Variants in DPP8 observed in about 807,000 individuals in gnomAD.
The protein encoded by DPP8 is dipeptidyl peptidase 8, also known as DPP VIII.
In DPP8, 31 loss-of-function variants were observed where a neutral mutation model predicts 107.5. That is an observed-to-expected ratio of 0.29 (90% CI 0.22 to 0.39). The LOEUF (loss-of-function observed/expected upper bound fraction) is 0.39. Ranked by LOEUF, DPP8 falls within the 10% of genes least tolerant of loss-of-function variation. The pLI is 1.00. For synonymous variants in DPP8, 381 were observed against 356.6 expected (o/e 1.07, Z -0.77); for missense variants, 842 against 1,076.1 (o/e 0.78, Z 3.04).
intron 9 of DPP8, among the ~76,000 whole-genome samples, chr15:65,480,925 G>C (rs1192757591): frequency 6.6e-6 from 1 of 152,024 alleles, no homozygotes; most frequent in Non-Finnish European, 1.5e-5. Context: ...GTGAGACCTT[G>C]TCTCTACAAA....
At position 65,487,734 on chromosome 15, in the gene DPP8, A is replaced by G. The variant is rs1250447563; in HGVS notation, c.911T>C (p.Met304Thr). ...EVEIIHVTSP[M>T]LETRRADSFR... Reference sequence around the variant, plus strand: ...TGAATCTGCCCTCCTTGTTTCCAACATAGGGGATGTAACATGAATAATTTC... The same window carrying G: ...TGAATCTGCCCTCCTTGTTTCCAACGTAGGGGATGTAACATGAATAATTTC... Residue 304 changes from methionine to threonine, a missense_variant, in exon 7 of 20, where the codon ATG becomes ACG. Physicochemically the swap from Met to Thr is moderately conservative, Grantham distance 81 (BLOSUM62 -1). Coordinates refer to ENST00000300141, the MANE Select transcript of DPP8 (RefSeq NM_130434.5). The G allele has an allele frequency of 6.2e-7, 1 of 1,609,338 alleles. No individual in the cohort carries two copies.
chr15:65,467,317 G>T, intron 12 of DPP8, 94 bp from the exon 13 acceptor site: 3 of 1,197,288 alleles, frequency 2.5e-6, no homozygotes, highest in Non-Finnish European at 3.5e-6. Flanking sequence ...GCCACTCCTT[G>T]ACTTATGCCT....
intron 5 of DPP8, among the ~76,000 whole-genome samples, chr15:65,494,404 G>A (rs937918576): frequency 2.0e-5 from 3 of 150,788 alleles, no homozygotes; most frequent in African/African-American, 7.3e-5. Flanking sequence ...TTATTTTTTT[G>A]TAGAGACAGG....
rs369713662 is a variant in DPP8, at chr15:65,471,783, C to T, written c.1536+2426G>A. Reference sequence around the variant, plus strand: ...GACTACAAGTTTGAGCTACCATGCCCAGCAGATACTCTAAAGTTTTTACTA... The same window carrying T: ...GACTACAAGTTTGAGCTACCATGCCTAGCAGATACTCTAAAGTTTTTACTA... On this transcript the variant is annotated intron_variant, in intron 12 of 19. Transcript: ENST00000300141. Among the ~76,000 whole-genome samples, 47 of 152,266 alleles carry T rather than the reference C, an allele frequency of 3.1e-4. No individual in the cohort carries two copies. In the East Asian group the frequency reaches 5.4e-3, roughly 17 times the overall value.
rs2066069374 is a variant in DPP8, at chr15:65,473,242, T to C, written c.1536+967A>G. Among the ~76,000 whole-genome samples the C allele has an allele frequency of 2.0e-5, 3 of 151,446 alleles. No homozygotes were observed. The South Asian group carries it at 6.3e-4, about 32-fold the overall frequency. ...CGGGAGGCTGAAGCAGGAGAATTGCTTGAACCCAGGAGGTGGAAGTTTCAG... is the reference window on the plus strand; with the variant it reads ...CGGGAGGCTGAAGCAGGAGAATTGCCTGAACCCAGGAGGTGGAAGTTTCAG... On this transcript the variant is annotated intron_variant, in intron 12 of 19. Transcript: ENST00000300141.
Position 65,445,100 on chromosome 15 carries a change from C to T in DPP8, c.*1784G>A, listed in dbSNP as rs1203974701. On this transcript the variant is annotated 3_prime_UTR_variant, in exon 20 of 20. Transcript: ENST00000300141. ...TGGTATCTATTATACAGTATAAATA[C>T]AAACAGCAAAACCCAATACCTTTCC... is the stretch of plus-strand genomic sequence containing the variant. The T allele has an allele frequency of 6.6e-6, 1 of 152,036 alleles. No homozygotes were observed. The highest frequency in any genetic ancestry group is 2.4e-5 in the African/African-American group (1 of 41,410). The allele number at this position is 152,036 out of a possible 1,614,324, so 9.4% of individuals were successfully genotyped here. A position where few individuals can be genotyped will look rare whatever the true frequency, so the allele number is the denominator to read the frequency against.
chr15:65,468,059 T>C (rs1338900372), intron 12 of DPP8, among the ~76,000 whole-genome samples: 1 of 152,190 alleles, frequency 6.6e-6, no homozygotes, highest in African/African-American at 2.4e-5. Flanking sequence ...ATCTTTTAAG[T>C]CTTCATTCAG....
chr15:65,484,317 C>T (rs2067201358), intron 8 of DPP8, among the ~76,000 whole-genome samples: 1 of 147,292 alleles, frequency 6.8e-6, no homozygotes, highest in African/African-American at 2.6e-5. Context: ...CAGTGCAAGA[C>T]TCTGTCTCAA....
At chr15:65,493,320 G>A (rs1257973259) in intron 5 of DPP8, among the ~76,000 whole-genome samples, 1 of 152,026 alleles carries the variant, frequency 6.6e-6, no homozygotes, top group African/African-American at 2.4e-5. Flanking sequence ...GACCTCAGGT[G>A]ATCTGCCTGC....
At chr15:65,472,579 G>C (rs992748595) in intron 12 of DPP8, among the ~76,000 whole-genome samples, 1 of 152,146 alleles carries the variant, frequency 6.6e-6, no homozygotes. Context: ...GATTACAGAT[G>C]TGAGCCACTG....
chr15:65,505,777 C>G (rs529161574), intron 3 of DPP8, among the ~76,000 whole-genome samples: 141 of 151,620 alleles, frequency 9.3e-4, no homozygotes, highest in African/African-American at 3.3e-3. Context: ...TGATGAAACC[C>G]CGTCTCTACT....
intron 17 of DPP8, among the ~76,000 whole-genome samples, 170 bp downstream of exon 17, chr15:65,454,093 C>T (rs1488889210): frequency 6.7e-6 from 1 of 148,732 alleles, no homozygotes; most frequent in Non-Finnish European, 1.5e-5. Flanking sequence ...GCTGAGATTG[C>T]GCCACTGCAC....
chr15:65,499,732 T>C (rs1224555372), intron 4 of DPP8, among the ~76,000 whole-genome samples: 1 of 149,804 alleles, frequency 6.7e-6, no homozygotes, highest in Non-Finnish European at 1.5e-5. Context: ...GCCTGGCTAA[T>C]TTTTGCATTT....
chr15:65,511,175 T>C (rs1833286675), intron 2 of DPP8, among the ~76,000 whole-genome samples: 1 of 152,184 alleles, frequency 6.6e-6, no homozygotes, highest in Non-Finnish European at 1.5e-5. Context: ...CACTTCCTCA[T>C]CTTTTGTAAC....
chr15:65,500,477 T>A lies in DPP8; in HGVS notation c.546+129A>T, dbSNP rs551486588. On this transcript the variant is annotated intron_variant, in intron 4 of 19. Coordinates refer to ENST00000300141, the MANE Select transcript of DPP8 (RefSeq NM_130434.5). ...CCAATCTCCATGTTTCTTGTTTTCA[T>A]TGCTATTAAATTTCTTTGTTGGTGG... is the stretch of plus-strand genomic sequence containing the variant. The A allele has an allele frequency of 3.4e-4, 239 of 699,600 alleles. 3 individuals are homozygous for A. In the South Asian group the frequency reaches 4.7e-3, roughly 14 times the overall value. The allele number at this position is 699,600 out of a possible 1,614,324, so 43.3% of individuals were successfully genotyped here.
At chr15:65,467,629 C>G (rs1034798792) in intron 12 of DPP8, among the ~76,000 whole-genome samples, 1 of 152,200 alleles carries the variant, frequency 6.6e-6, no homozygotes, top group Non-Finnish European at 1.5e-5. Context: ...CCTCCTGCCT[C>G]AGCCTCCCGA....
chr15:65,466,577 G>C, intron 14 of DPP8, 101 bp downstream of exon 14: 4 of 1,080,698 alleles, frequency 3.7e-6, no homozygotes, highest in Non-Finnish European at 5.6e-6. Context: ...AGTGGTGAGA[G>C]ATGGAAAGAC....
intron 5 of DPP8, among the ~76,000 whole-genome samples, chr15:65,491,552 TAA>T (rs1484191168): frequency 1.3e-5 from 2 of 152,242 alleles, no homozygotes; most frequent in Admixed American, 6.6e-5. Flanking sequence ...GAAGTTCATG[TAA>T]ATGAAATCAT....
chr15:65,446,616 C>CTT lies in DPP8; in HGVS notation c.*266_*267dup, dbSNP rs397969608. 57 of 119,060 alleles carry CTT rather than the reference C, an allele frequency of 4.8e-4. No homozygotes were observed. Among genetic ancestry groups the CTT allele is most frequent in the African/African-American group, 1.2e-3 (40 of 32,488 alleles). 7.4% of individuals were successfully genotyped at this position (119,060 alleles called of 1,614,324 possible). On this transcript the variant is annotated 3_prime_UTR_variant, in exon 20 of 20. Transcript: ENST00000300141. ...TAGTATGAATACATGGTGCTAATGT[C>CTT]TTTTTTTTTTTTTTTTTTTTAGTAA...
Sources: gnomAD v4.1 joint callset for allele counts (sites outside exome capture counted in the v4.1 genomes callset) on GRCh38, gnomAD v4.1.1 for gene constraint, MANE v1.5 for transcripts, NCBI Gene and HGNC (gene_info 2026-07-23, HGNC 2026-07-21) for gene names.